SPTB: variants seen among roughly 807,000 people sequenced by gnomAD.
SPTB encodes the protein spectrin beta chain, erythrocytic.
In SPTB, 45 loss-of-function variants were observed where a neutral mutation model predicts 256.2. The observed-to-expected ratio is 0.18, with a 90% CI of 0.14 to 0.23. The LOEUF is 0.23. SPTB is among the 10% of genes least tolerant of loss of function. The probability of loss-of-function intolerance (pLI) is 1.00; values close to 1 mark genes in which losing one functional copy is unlikely to be tolerated. For missense variants in SPTB, 2,715 were observed against 3,040.4 expected, an observed-to-expected ratio of 0.89 and a Z score of 2.52; for synonymous variants, 1,231 against 1,243.1, an observed-to-expected ratio of 0.99 and a Z score of 0.21.
At chr14:64,797,928 G>A (rs1386690443) in intron 9 of SPTB, 82 bp from the exon 10 acceptor site, 27 of 914,048 alleles carry the variant, frequency 3.0e-5, no homozygotes, top group Non-Finnish European at 4.8e-5. Flanking sequence ...CGGAACTGTG[G>A]CATCTTGAAG....
intron 8 of SPTB, 86 bp downstream of exon 8, chr14:64,800,670 C>T (rs2082866585): frequency 1.2e-5 from 14 of 1,208,480 alleles, no homozygotes; most frequent in Non-Finnish European, 1.6e-5. Context: ...TACTCTTCAC[C>T]CTTTCTTTGG....
chr14:64,801,698 A>G (rs546239747), intron 6 of SPTB, 56 bp downstream of exon 6: 17 of 1,545,102 alleles, frequency 1.1e-5, no homozygotes, highest in African/African-American at 2.7e-5. Context: ...AATGTGTCCA[A>G]ATATTCCCAG....
At chr14:64,767,968 G>T in intron 29 of SPTB, 109 bp from the exon 30 acceptor site, 1 of 1,255,354 alleles carries the variant, frequency 8.0e-7, no homozygotes, top group Non-Finnish European at 1.1e-6. Flanking sequence ...CTGAATAGGT[G>T]TCCCTAAACC....
In SPTB at chr14:64,772,592, C is replaced by A. The variant is rs1448498091; in HGVS notation, c.5541G>T (p.Leu1847=). ...VHTAFERELH[L]LGVQVQQFQD... Reference sequence around the variant, plus strand: ...GGGCTGAAGGTACCTGGACACCCAGCAGGTGGAGCTCCCGCTCGAAGGCTG... The same window carrying A: ...GGGCTGAAGGTACCTGGACACCCAGAAGGTGGAGCTCCCGCTCGAAGGCTG... Residue 1847 remains leucine, a synonymous_variant, in exon 26 of 36, where the codon CTG becomes CTT. Transcript: ENST00000644917. The surrounding 1 kb of genome is among the most constrained non-coding windows in gnomAD (Gnocchi z 5.4). 6.2e-7 allele frequency: 1 copy of A among 1,608,318 alleles called. No individual in the cohort carries two copies. Among genetic ancestry groups the A allele is most frequent in the Middle Eastern group, 1.7e-4 (1 of 5,838 alleles).
At chr14:64,757,494 C>CATTTTCCAAAGA (rs1249720287) in intron 32 of SPTB, 3 of 152,204 alleles carry the variant, frequency 2.0e-5, no homozygotes, top group African/African-American at 7.2e-5. Context: ...GGGGGTTTTC[C>CATTTTCCAAAGA]AATGTATGCA....
rs369208136 is a variant in SPTB at position 64,773,297 on chromosome 14, C to A, written c.5101G>T (p.Asp1701Tyr). 2.4e-5 allele frequency: 39 copies of A among 1,614,072 alleles called. No individual in the cohort carries two copies. The highest frequency in any genetic ancestry group is 3.0e-5 in the Non-Finnish European group (35 of 1,180,042). ...HLFQLKRETD[D>Y]LEQWISEKEL... ...TTTTCTGAAATCCACTGCTCCAGGT[C>A]GTCGGTCTCCCGCTTGAGCTGGAAC... The change falls in exon 25 of 36, where the codon GAC (aspartate) becomes TAC (tyrosine). Residue 1701 changes from aspartate (D) to tyrosine (Y), a missense_variant. Asp to Tyr is a radical substitution (Grantham distance 160). This residue lies in a region of SPTB where 2,239 missense variants were observed against 2,384.4 expected (regional missense o/e 0.94). Coordinates refer to ENST00000644917, the MANE Select transcript of SPTB (RefSeq NM_001355436.2).
rs1434727098 is a variant in SPTB, at chr14:64,799,885, C to G, written c.926G>C (p.Gly309Ala). 2 of 1,614,212 alleles carry G rather than the reference C, an allele frequency of 1.2e-6. No individual in the cohort carries two copies. The highest frequency in any genetic ancestry group is 1.7e-5 in the Admixed American group (1 of 60,022). ...CCAGGTGAGCAGGTCCGAGGCTAGC[C>G]CGCTGTACTTTTCAATCATCTTCTC... ...ETEKMIEKYSGLASDLLTWIE... is the reference protein window; with the variant it reads ...ETEKMIEKYSALASDLLTWIE... Residue 309 changes from glycine to alanine, a missense_variant, in exon 9 of 36, where the codon GGG becomes GCG. Coordinates refer to ENST00000644917, the MANE Select transcript of SPTB (RefSeq NM_001355436.2).
intron 1 of SPTB, among the ~76,000 whole-genome samples, chr14:64,870,457 C>G (rs1882462870): frequency 1.3e-5 from 2 of 152,206 alleles, no homozygotes; most frequent in Admixed American, 1.3e-4. Context: ...AATATTTACA[C>G]CCTTCCCCAC....
Position 64,793,311 on chromosome 14 carries a change from C to G in SPTB, c.2352G>C (p.Lys784Asn). The change falls in exon 14 of 36, where the codon AAG becomes AAC. Residue 784 changes from lysine to asparagine, a missense_variant. By Grantham distance (94) the Lys-to-Asn change is moderately conservative. This residue lies in a region of SPTB where 2,239 missense variants were observed against 2,384.4 expected (regional missense o/e 0.94). Coordinates refer to ENST00000644917, the MANE Select transcript of SPTB (RefSeq NM_001355436.2). This position sits in a 1 kb window ranked among gnomAD's most constrained non-coding sequence, Gnocchi z 7.0. ...CCAGCTCCTCCAGGAAGTCCTTGTGCTTTTTCCCCAGGGCCCGCGTGGCCC... is the reference window on the plus strand; with the variant it reads ...CCAGCTCCTCCAGGAAGTCCTTGTGGTTTTTCCCCAGGGCCCGCGTGGCCC... ...DEGATRALGKKHKDFLEELEE... is the reference protein window; with the variant it reads ...DEGATRALGKNHKDFLEELEE... The G allele has an allele frequency of 6.2e-7, 1 of 1,608,056 alleles. No homozygotes were observed. Among genetic ancestry groups the G allele is most frequent in the Non-Finnish European group, 8.5e-7 (1 of 1,179,996 alleles).
In SPTB at chr14:64,764,822, C is replaced by T. The variant is rs2082141942; in HGVS notation, c.6345+1904G>A. ...GAGTTCGCTCTCCTTCCGGCAGGGG[C>T]TGTTGCTGGGAAAAAGGGGCTGGGA... On this transcript the variant is annotated intron_variant, in intron 32 of 35. Coordinates refer to ENST00000644917, the MANE Select transcript of SPTB (RefSeq NM_001355436.2). This position sits in a 1 kb window ranked among gnomAD's most constrained non-coding sequence, Gnocchi z 4.2. 6.6e-6 allele frequency among the ~76,000 whole-genome samples: 1 copy of T among 152,118 alleles called. No homozygotes were observed. The highest frequency in any genetic ancestry group is 6.5e-5 in the Admixed American group (1 of 15,282).
intron 1 of SPTB, among the ~76,000 whole-genome samples, chr14:64,869,797 TTC>T (rs1393752790): frequency 1.4e-5 from 2 of 147,208 alleles, no homozygotes; most frequent in South Asian, 2.2e-4. Context: ...TTTTTTTTTT[TTC>T]TTTTTAATTT....
At position 64,774,435 on chromosome 14, in the gene SPTB, G is replaced by T; in HGVS notation, c.4935C>A (p.Ser1645Arg). The change falls in exon 24 of 36, where the codon AGC becomes AGA. Residue 1645 changes from serine (S) to arginine (R), a missense_variant. Physicochemically the swap from Ser to Arg is moderately radical, Grantham distance 110. Around this residue, in one of 4 missense-constraint regions of SPTB, gnomAD observed 2,239 missense variants for 2,384.4 expected, o/e 0.94. Transcript: ENST00000644917. ...CTGCAGACAGCAGGCCCTGGGCCCG[G>T]CTGGCCAGCTGCTTGATGTTCCGGC... is the stretch of plus-strand genomic sequence containing the variant. ...DYGRNIKQLASRAQGLLSAGH... is the reference protein window; with the variant it reads ...DYGRNIKQLARRAQGLLSAGH... 1 of 1,574,176 alleles carries T rather than the reference G, an allele frequency of 6.4e-7. No individual in the cohort carries two copies. The highest frequency in any genetic ancestry group is 8.6e-7 in the Non-Finnish European group (1 of 1,159,840).
At chr14:64,871,595 A>G (rs926272628) in intron 1 of SPTB, among the ~76,000 whole-genome samples, 1 of 152,236 alleles carries the variant, frequency 6.6e-6, no homozygotes, top group African/African-American at 2.4e-5. Context: ...TACAAAGTCT[A>G]CTAAATCTGA....
intron 9 of SPTB, 23 bp downstream of exon 9, chr14:64,799,724 C>A: frequency 1.2e-6 from 2 of 1,613,704 alleles, no homozygotes; most frequent in Middle Eastern, 1.7e-4. Context: ...GAGGACCACC[C>A]TCCCATGTGC....
rs759496232 is a variant in SPTB, at chr14:64,779,232, C to T, written c.4488G>A (p.Glu1496=). The T allele has an allele frequency of 6.2e-7, 1 of 1,613,696 alleles. No homozygotes were observed. The highest frequency in any genetic ancestry group is 1.1e-5 in the South Asian group (1 of 90,982). The change falls in exon 22 of 36, where the codon GAG becomes GAA. Residue 1496 remains glutamate, a synonymous_variant. Transcript: ENST00000644917. This position sits in a 1 kb window ranked among gnomAD's most constrained non-coding sequence, Gnocchi z 4.2. ...CGGCTGACTGGGCCAGAGGCAGCCT[C>T]TCCTCCACCCAAAGCTGCAGAGACC... ...DLEDETLWVE[E]RLPLAQSADY...
intron 33 of SPTB, chr14:64,752,135 G>A (rs1032343842): frequency 7.9e-6 from 10 of 1,259,218 alleles, no homozygotes; most frequent in Non-Finnish European, 6.2e-6. Flanking sequence ...AGACAAATAG[G>A]GCTCATGTCA....
chr14:64,756,407 A>T (rs2082017753), intron 32 of SPTB: 1 of 152,176 alleles, frequency 6.6e-6, no homozygotes, highest in Non-Finnish European at 1.5e-5. Context: ...GTCTCTACTA[A>T]AAATACAAAA....
At position 64,863,969 on chromosome 14, in the gene SPTB, C is replaced by T. The variant is rs116244039; in HGVS notation, c.-52+15823G>A. Among the ~76,000 whole-genome samples the T allele has an allele frequency of 2.4e-3, 373 of 152,272 alleles. 3 individuals are homozygous for T. The highest frequency in any genetic ancestry group is 8.6e-3 in the African/African-American group (356 of 41,540). On this transcript the variant is annotated intron_variant, in intron 1 of 35. Coordinates refer to ENST00000644917, the MANE Select transcript of SPTB (RefSeq NM_001355436.2). ...TAAATGAGTGAAGGTATTTGAAGCC[C>T]TAGCATGGCAGCTGGCATATGACAG... is the stretch of plus-strand genomic sequence containing the variant.
intron 1 of SPTB, among the ~76,000 whole-genome samples, chr14:64,862,060 G>C (rs547903207): frequency 3.3e-5 from 5 of 151,962 alleles, no homozygotes; most frequent in South Asian, 4.2e-4. Flanking sequence ...CTGTCAAATC[G>C]ACACCCCCAG....
Sources: allele counts gnomAD v4.1 joint callset (sites outside exome capture counted in the v4.1 genomes callset), GRCh38; gene constraint gnomAD v4.1.1; regional missense constraint gnomAD v4.1.1; non-coding constraint Gnocchi (gnomAD v3.1); transcripts MANE v1.5; gene names NCBI Gene and HGNC (gene_info 2026-07-23, HGNC 2026-07-21).